ADGRB3: variants seen among roughly 807,000 people sequenced by gnomAD.
The protein encoded by ADGRB3 is adhesion G protein-coupled receptor B3.
ADGRB3 carries 37 observed loss-of-function variants against 193.4 expected under a neutral mutation model. The observed-to-expected ratio is 0.19, with a 90% confidence interval of 0.15 to 0.25. The LOEUF is 0.25. ADGRB3 is among the 10% of genes least tolerant of loss of function. The pLI, the probability that ADGRB3 is intolerant of heterozygous loss-of-function variation, is 1.00. For missense variants in ADGRB3, 1,637 were observed against 1,852.9 expected (o/e 0.88, Z 2.14); for synonymous variants, 690 against 644.2 (o/e 1.07, Z -1.08).
intron 3 of ADGRB3, among the ~76,000 whole-genome samples, chr6:68,681,296 A>G (rs1455818822): frequency 6.6e-6 from 1 of 152,152 alleles, no homozygotes; most frequent in Non-Finnish European, 1.5e-5. Flanking sequence ...GGGGACAAAT[A>G]TCCAAACTAT....
intron 3 of ADGRB3, among the ~76,000 whole-genome samples, chr6:68,889,817 A>G (rs913235768): frequency 3.9e-5 from 6 of 152,140 alleles, no homozygotes; most frequent in Non-Finnish European, 8.8e-5. Context: ...AAATATTCTT[A>G]AACGAGCAAT....
chr6:69,095,451 AT>A (rs1348976950), intron 17 of ADGRB3, among the ~76,000 whole-genome samples: 1 of 152,162 alleles, frequency 6.6e-6, no homozygotes, highest in Non-Finnish European at 1.5e-5. Flanking sequence ...GGAAAGCATC[AT>A]AAAGTTCTTT....
intron 5 of ADGRB3, 145 bp from the exon 6 acceptor site, chr6:68,943,684 TA>T: frequency 1.7e-6 from 1 of 597,242 alleles, no homozygotes; most frequent in South Asian, 7.1e-5. Flanking sequence ...TTGTATTTTA[TA>T]AAAAATAAGA....
intron 17 of ADGRB3, among the ~76,000 whole-genome samples, chr6:69,209,536 A>G (rs1765609666): frequency 6.6e-6 from 1 of 152,210 alleles, no homozygotes; most frequent in South Asian, 2.1e-4. Context: ...ACATAATGTC[A>G]TCAATGTAAT....
At chr6:69,158,820 C>A (rs962666838) in intron 17 of ADGRB3, among the ~76,000 whole-genome samples, 3 of 152,028 alleles carry the variant, frequency 2.0e-5, no homozygotes, top group African/African-American at 7.2e-5. Flanking sequence ...GGTCTTCTTG[C>A]AACTCCAAAG....
intron 3 of ADGRB3, among the ~76,000 whole-genome samples, chr6:68,758,158 C>A (rs78253789): frequency 0.024 from 3,590 of 152,122 alleles, 67 homozygotes; most frequent in South Asian, 0.07. Context: ...ATTCTCCTCA[C>A]AAATTTGCTG....
chr6:68,831,336 C>T (rs1767949198), intron 3 of ADGRB3, among the ~76,000 whole-genome samples: 1 of 143,618 alleles, frequency 7.0e-6, no homozygotes, highest in South Asian at 2.2e-4. Context: ...GCTGATTTTA[C>T]TGGTTTTGGA....
intron 17 of ADGRB3, among the ~76,000 whole-genome samples, chr6:69,218,631 CTTTGTG>C (rs1219650457): frequency 6.6e-6 from 1 of 152,130 alleles, no homozygotes; most frequent in East Asian, 1.9e-4. Flanking sequence ...TGTTCCTGTT[CTTTGTG>C]CTTGACTTTC....
In ADGRB3 at chr6:69,330,580, T is replaced by A; in HGVS notation, c.3102+8T>A. On this transcript the variant is annotated splice_region_variant and intron_variant, in intron 23 of 31. Coordinates refer to ENST00000370598, the MANE Select transcript of ADGRB3 (RefSeq NM_001704.3). Reference sequence around the variant, plus strand: ...GCAGCCGCTGTTGTCCTGGTAAACATCAAAATCAACCTATTTTGTTTTCTT... The same window carrying A: ...GCAGCCGCTGTTGTCCTGGTAAACAACAAAATCAACCTATTTTGTTTTCTT... 1 of 1,598,812 alleles carries A rather than the reference T, an allele frequency of 6.3e-7. No individual in the cohort carries two copies. Among genetic ancestry groups the A allele is most frequent in the South Asian group, 1.1e-5 (1 of 87,350 alleles).
chr6:68,706,457 G>C (rs775216621), intron 3 of ADGRB3, among the ~76,000 whole-genome samples: 3 of 152,172 alleles, frequency 2.0e-5, no homozygotes, highest in Admixed American at 1.3e-4. Context: ...GGAGGTGACC[G>C]TATGTGTATG....
At chr6:68,653,337 T>A (rs1768415156) in intron 3 of ADGRB3, among the ~76,000 whole-genome samples, 2 of 152,110 alleles carry the variant, frequency 1.3e-5, no homozygotes, top group Admixed American at 6.6e-5. Flanking sequence ...TTCTGACATA[T>A]CTATAATGTC....
intron 13 of ADGRB3, among the ~76,000 whole-genome samples, chr6:69,046,280 C>T (rs1163836174): frequency 6.6e-6 from 1 of 152,068 alleles, no homozygotes; most frequent in African/African-American, 2.4e-5. Context: ...AGTGAAATAA[C>T]TTTCCTCTAA....
At chr6:68,836,807 T>C (rs1270341164) in intron 3 of ADGRB3, among the ~76,000 whole-genome samples, 3 of 152,104 alleles carry the variant, frequency 2.0e-5, no homozygotes, top group African/African-American at 4.8e-5. Flanking sequence ...GTGAGCAACA[T>C]AGTGAGACTC....
At chr6:69,199,523 A>T (rs1176913009) in intron 17 of ADGRB3, among the ~76,000 whole-genome samples, 3 of 152,132 alleles carry the variant, frequency 2.0e-5, no homozygotes, top group Admixed American at 6.6e-5. Context: ...CTAAGAAAAA[A>T]TGTAATTTTC....
At chr6:69,024,898 C>T (rs1046610541) in intron 13 of ADGRB3, among the ~76,000 whole-genome samples, 4 of 151,994 alleles carry the variant, frequency 2.6e-5, no homozygotes, top group Non-Finnish European at 4.4e-5. Context: ...CGAGACCATC[C>T]TGGCTAACAT....
intron 3 of ADGRB3, among the ~76,000 whole-genome samples, chr6:68,789,799 A>G (rs1444470291): frequency 2.0e-5 from 3 of 152,160 alleles, no homozygotes; most frequent in East Asian, 1.9e-4. Context: ...CCAATCAGAC[A>G]TAGATTTGGT....
At chr6:68,977,730 G>A (rs889216476) in intron 10 of ADGRB3, among the ~76,000 whole-genome samples, 12 of 152,066 alleles carry the variant, frequency 7.9e-5, no homozygotes, top group Non-Finnish European at 2.9e-5. Flanking sequence ...CTCCTACATA[G>A]TACTAGGCAC....
intron 3 of ADGRB3, among the ~76,000 whole-genome samples, chr6:68,817,305 A>ATG (rs1197385256): frequency 2.3e-5 from 1 of 43,494 alleles, no homozygotes; most frequent in East Asian, 8.3e-4. Flanking sequence ...CCTTTTGTCC[A>ATG]TGTATATATA....
At chr6:68,958,207 A>T (rs2150257515) in intron 8 of ADGRB3, among the ~76,000 whole-genome samples, 1 of 152,210 alleles carries the variant, frequency 6.6e-6, no homozygotes, top group East Asian at 1.9e-4. Flanking sequence ...TCTCGAAAAA[A>T]AAAAATCTAA....
Sources: gnomAD v4.1 joint callset for allele counts (sites outside exome capture counted in the v4.1 genomes callset) on GRCh38, gnomAD v4.1.1 for gene constraint, MANE v1.5 for transcripts, NCBI Gene and HGNC (gene_info 2026-07-23, HGNC 2026-07-21) for gene names.